PHEX: variants seen among roughly 807,000 people sequenced by gnomAD.
PHEX encodes the protein phosphate regulating endopeptidase X-linked, also known as phosphate-regulating neutral endopeptidase PHEX.
PHEX carries 16 observed loss-of-function variants against 68.0 expected under a neutral mutation model. That is an observed-to-expected ratio of 0.24 (90% CI 0.16 to 0.36). The LOEUF (loss-of-function observed/expected upper bound fraction) is 0.36. PHEX is among the 10% of genes least tolerant of loss of function. The probability of loss-of-function intolerance (pLI) is 1.00; values close to 1 mark genes in which losing one functional copy is unlikely to be tolerated. For missense variants in PHEX, 480 were observed against 575.5 expected, an observed-to-expected ratio of 0.83 and a Z score of 1.70; for synonymous variants, 208 against 205.1, an observed-to-expected ratio of 1.01 and a Z score of -0.12.
intron 3 of PHEX, among the ~76,000 whole-genome samples, chrX:22,075,977 G>GAAAC (rs1929135100): frequency 8.9e-6 from 1 of 112,018 alleles, no homozygotes. Context: ...GAAATCTTAA[G>GAAAC]AAACACAACC....
chrX:22,123,182 C>CT (rs1300944970), intron 11 of PHEX, among the ~76,000 whole-genome samples: 2 of 108,361 alleles, frequency 1.8e-5, no homozygotes, highest in Non-Finnish European at 3.8e-5. Flanking sequence ...AGAGATGGGG[C>CT]TTTGGCGTGT....
chrX:22,089,555 G>A (rs932765379), intron 5 of PHEX, among the ~76,000 whole-genome samples: 3 of 109,320 alleles, frequency 2.7e-5, no homozygotes, highest in African/African-American at 1.0e-4. Context: ...TGAGTAGCTG[G>A]GATTACAGCC....
intron 5 of PHEX, among the ~76,000 whole-genome samples, chrX:22,087,971 A>G (rs1375988583): frequency 9.0e-6 from 1 of 111,729 alleles, no homozygotes; most frequent in East Asian, 2.8e-4. Context: ...TGACAAATGC[A>G]TAGAGTCATG....
At position 22,206,986 on chromosome X, in the gene PHEX, T is replaced by C. The variant is rs1048998327; in HGVS notation, c.1646-5918T>C. Among the ~76,000 whole-genome samples the C allele has an allele frequency of 4.5e-5, 5 of 112,079 alleles. No individual in the cohort carries two copies. In the Admixed American group the frequency reaches 4.7e-4, roughly 11 times the overall value. Reference sequence around the variant, plus strand: ...ATTTATGACTATAAAAGTCAAATAGTTGAGCCTGGGGTAATCACCCACTGA... The same window carrying C: ...ATTTATGACTATAAAAGTCAAATAGCTGAGCCTGGGGTAATCACCCACTGA... On this transcript the variant is annotated intron_variant, in intron 15 of 21. Coordinates refer to ENST00000379374, the MANE Select transcript of PHEX (RefSeq NM_000444.6).
chrX:22,113,226 G>C (rs138523641), intron 10 of PHEX, among the ~76,000 whole-genome samples: 1 of 111,751 alleles, frequency 8.9e-6, no homozygotes, highest in Non-Finnish European at 1.9e-5. Flanking sequence ...TTGAATTGCC[G>C]AAGAAGGTTG....
At chrX:22,035,402 CA>C (rs1181127248) in intron 1 of PHEX, among the ~76,000 whole-genome samples, 1 of 112,346 alleles carries the variant, frequency 8.9e-6, no homozygotes, top group Non-Finnish European at 1.9e-5. Context: ...CTCTGTGGGC[CA>C]TACGGCCTCT....
chrX:22,198,973 G>T (rs540857244), intron 15 of PHEX, among the ~76,000 whole-genome samples: 1 of 111,267 alleles, frequency 9.0e-6, no homozygotes, highest in East Asian at 2.8e-4. Flanking sequence ...GAGAGTGTAT[G>T]CAGGGGAACT....
At chrX:22,222,602 C>T (rs952450968) in intron 18 of PHEX, among the ~76,000 whole-genome samples, 11 of 111,760 alleles carry the variant, frequency 9.8e-5, no homozygotes, top group Admixed American at 8.6e-4. Context: ...TCGTGACATA[C>T]TCATTAGTAC....
At chrX:22,046,858 C>T (rs983543186) in intron 2 of PHEX, among the ~76,000 whole-genome samples, 192 bp from the exon 3 acceptor site, 1 of 111,544 alleles carries the variant, frequency 9.0e-6, no homozygotes, top group African/African-American at 3.3e-5. Context: ...TGAGCCCTTG[C>T]ACCCGGCCTA....
Position 22,092,668 on chromosome X carries a change from C to T in PHEX, c.733-1315C>T, listed in dbSNP as rs141253680. Among the ~76,000 whole-genome samples, 915 of 110,370 alleles carry T rather than the reference C, an allele frequency of 8.3e-3. 7 individuals are homozygous for T. Among genetic ancestry groups the T allele is most frequent in the African/African-American group, 0.028 (853 of 30,304 alleles). ...AATTACAAGTGTGAGCCACCACCTC[C>T]GGCCAATAAATATGTTTTGAATTGA... On this transcript the variant is annotated intron_variant, in intron 6 of 21. Coordinates refer to ENST00000379374, the MANE Select transcript of PHEX (RefSeq NM_000444.6).
intron 14 of PHEX, among the ~76,000 whole-genome samples, chrX:22,185,170 T>C (rs1933989648): frequency 8.9e-6 from 1 of 112,085 alleles, no homozygotes; most frequent in Non-Finnish European, 1.9e-5. Flanking sequence ...CTATGAGACC[T>C]CTCCTTACCT....
At chrX:22,168,460 C>A in intron 13 of PHEX, 71 bp downstream of exon 13, 2 of 657,982 alleles carry the variant, frequency 3.0e-6, no homozygotes, top group Non-Finnish European at 5.0e-6. Context: ...TCAACTAACC[C>A]AAGTCCTAGC....
chrX:22,161,620 G>A (rs1202456376), intron 12 of PHEX, among the ~76,000 whole-genome samples: 2 of 111,967 alleles, frequency 1.8e-5, no homozygotes, highest in South Asian at 3.7e-4. Flanking sequence ...TATTTATTGA[G>A]TATTGGTCAC....
At chrX:22,136,020 G>A (rs1031693557) in intron 12 of PHEX, among the ~76,000 whole-genome samples, 1 of 100,480 alleles carries the variant, frequency 1.0e-5, no homozygotes, top group African/African-American at 3.8e-5. Flanking sequence ...TCCTTTCCTG[G>A]ACCCCAGAAG....
At chrX:22,203,856 CAG>C (rs1330858160) in intron 15 of PHEX, among the ~76,000 whole-genome samples, 1 of 111,824 alleles carries the variant, frequency 8.9e-6, no homozygotes, top group African/African-American at 3.2e-5. Flanking sequence ...GTGTTGATGA[CAG>C]AAAGACAGGA....
chrX:22,238,708 G>C (rs373270729), intron 20 of PHEX, among the ~76,000 whole-genome samples: 48 of 109,187 alleles, frequency 4.4e-4, no homozygotes, highest in African/African-American at 1.5e-3. Context: ...TGACCAGACT[G>C]CCTCTCTAGG....
At chrX:22,065,913 G>C (rs1029316361) in intron 3 of PHEX, among the ~76,000 whole-genome samples, 1 of 111,629 alleles carries the variant, frequency 9.0e-6, no homozygotes, top group East Asian at 2.8e-4. Flanking sequence ...TAATTTGTTC[G>C]CCACAGATTA....
chrX:22,153,845 C>T (rs1433884086), intron 12 of PHEX, among the ~76,000 whole-genome samples: 1 of 112,002 alleles, frequency 8.9e-6, no homozygotes, highest in African/African-American at 3.3e-5. Flanking sequence ...TTTCAGTGAA[C>T]TGTAATTGTA....
intron 11 of PHEX, among the ~76,000 whole-genome samples, chrX:22,128,866 C>T (rs1931854185): frequency 9.7e-6 from 1 of 103,321 alleles, no homozygotes; most frequent in African/African-American, 3.5e-5. Flanking sequence ...CCCCAACCCC[C>T]GCCCAGTGGA....
Sources: gnomAD v4.1 joint callset for allele counts (sites outside exome capture counted in the v4.1 genomes callset) on GRCh38, gnomAD v4.1.1 for gene constraint, MANE v1.5 for transcripts, NCBI Gene and HGNC (gene_info 2026-07-23, HGNC 2026-07-21) for gene names.